SKAP1: variants seen among roughly 807,000 people sequenced by gnomAD.
SKAP1 encodes the protein src kinase associated phosphoprotein 1, also known as src kinase-associated phosphoprotein 1.
In SKAP1, 44 loss-of-function variants were observed where a neutral mutation model predicts 58.5. The ratio of observed to expected loss-of-function variants is 0.75; its 90% CI spans 0.59 to 0.97. SKAP1 has a LOEUF of 0.97. Among genes scored for constraint, SKAP1 ranks in the 50% least tolerant of loss-of-function variants. SKAP1 has a pLI of 0.00. For missense variants in SKAP1, 390 were observed against 435.2 expected (o/e 0.90, Z 0.92); for synonymous variants, 127 against 149.7 (o/e 0.85, Z 1.11).
intron 4 of SKAP1, among the ~76,000 whole-genome samples, chr17:48,261,841 A>G (rs2065489078): frequency 1.3e-5 from 2 of 149,364 alleles, no homozygotes; most frequent in Admixed American, 6.8e-5. Flanking sequence ...CATACACACA[A>G]TGAAAGAATA....
intron 2 of SKAP1, among the ~76,000 whole-genome samples, chr17:48,372,662 A>G (rs1320227914): frequency 1.3e-5 from 2 of 152,032 alleles, no homozygotes; most frequent in Non-Finnish European, 2.9e-5. Context: ...TTTTTTTAAG[A>G]CAAGGTTGCA....
intron 2 of SKAP1, among the ~76,000 whole-genome samples, chr17:48,366,898 G>C (rs1177904664): frequency 6.6e-6 from 1 of 152,064 alleles, no homozygotes; most frequent in African/African-American, 2.4e-5. Context: ...TATTGATGAT[G>C]GCAACAGCAG....
intron 4 of SKAP1, among the ~76,000 whole-genome samples, chr17:48,243,521 A>G (rs2065263475): frequency 6.6e-6 from 1 of 152,194 alleles, no homozygotes; most frequent in South Asian, 2.1e-4. Flanking sequence ...GGGGAAAAAA[A>G]GGCCATGTTG....
rs571723237 is a variant in SKAP1 at position 48,212,058 on chromosome 17, C to A, written c.281-22558G>T. Among the ~76,000 whole-genome samples, 72 of 151,280 alleles carry A rather than the reference C, an allele frequency of 4.8e-4. No individual in the cohort carries two copies. The South Asian group carries it at 8.2e-3, about 17-fold the overall frequency. On this transcript the variant is annotated intron_variant, in intron 4 of 12. Coordinates refer to ENST00000336915, the MANE Select transcript of SKAP1 (RefSeq NM_003726.4). Reference sequence around the variant, plus strand: ...CCACGAACCCAGAACTGGGGGCTAGCTAGCAGTCTCAGCTACACCAGTAAT... The same window carrying A: ...CCACGAACCCAGAACTGGGGGCTAGATAGCAGTCTCAGCTACACCAGTAAT...
chr17:48,284,548 T>C (rs2065806505), intron 4 of SKAP1, among the ~76,000 whole-genome samples: 1 of 152,210 alleles, frequency 6.6e-6, no homozygotes, highest in African/African-American at 2.4e-5. Flanking sequence ...AGACATACTC[T>C]GTCATCATGT....
chr17:48,329,129 A>C (rs2066473275), intron 4 of SKAP1, among the ~76,000 whole-genome samples: 1 of 152,252 alleles, frequency 6.6e-6, no homozygotes, highest in Non-Finnish European at 1.5e-5. Context: ...GCATCACTAC[A>C]GAAAGTTCTA....
At chr17:48,204,967 CTT>C (rs1277582494) in intron 4 of SKAP1, among the ~76,000 whole-genome samples, 1 of 54,530 alleles carries the variant, frequency 1.8e-5, no homozygotes, top group Non-Finnish European at 3.7e-5. Context: ...TCTTTCTTTT[CTT>C]TTCTTTTCTT....
intron 10 of SKAP1, among the ~76,000 whole-genome samples, chr17:48,165,059 G>A (rs1042265968): frequency 1.7e-4 from 26 of 152,182 alleles, no homozygotes; most frequent in African/African-American, 3.1e-4. Context: ...CCTTCTAGTC[G>A]GGGAAGCACC....
At chr17:48,283,950 C>T (rs1383358781) in intron 4 of SKAP1, among the ~76,000 whole-genome samples, 1 of 152,174 alleles carries the variant, frequency 6.6e-6, no homozygotes, top group Non-Finnish European at 1.5e-5. Flanking sequence ...ATTTCAATGC[C>T]ATTCTCTGTC....
chr17:48,225,735 A>G (rs2065060838), intron 4 of SKAP1, among the ~76,000 whole-genome samples: 1 of 152,184 alleles, frequency 6.6e-6, no homozygotes, highest in South Asian at 2.1e-4. Flanking sequence ...TCAATTCCTT[A>G]TTATGAATAC....
intron 4 of SKAP1, among the ~76,000 whole-genome samples, chr17:48,314,668 TC>T (rs2066266551): frequency 1.3e-5 from 2 of 152,146 alleles, no homozygotes; most frequent in South Asian, 4.1e-4. Flanking sequence ...GCTGGAAGGT[TC>T]CCACAATGTT....
At chr17:48,444,267 G>C in the SKAP1 span, among the ~76,000 whole-genome samples, 1 of 152,082 alleles carries the variant, frequency 6.6e-6, no homozygotes, top group East Asian at 1.9e-4. Context: ...GGTGGCATGC[G>C]TCTGTAATCC....
chr17:48,150,763 C>T (rs1222706213), intron 11 of SKAP1, among the ~76,000 whole-genome samples: 4 of 152,168 alleles, frequency 2.6e-5, no homozygotes, highest in South Asian at 4.2e-4. Flanking sequence ...AGCGAGCAAG[C>T]GTGTACACGA....
chr17:48,414,876 C>A (rs764449846), intron 1 of SKAP1, among the ~76,000 whole-genome samples: 2 of 152,192 alleles, frequency 1.3e-5, no homozygotes, highest in Non-Finnish European at 2.9e-5. Flanking sequence ...CTCCCAAATT[C>A]TCTCATCTTG....
intron 4 of SKAP1, among the ~76,000 whole-genome samples, chr17:48,242,317 C>T (rs1009164735): frequency 2.6e-5 from 4 of 152,108 alleles, no homozygotes; most frequent in South Asian, 2.1e-4. Flanking sequence ...ATAATTCTGC[C>T]GGAGGAGAAT....
intron 1 of SKAP1, among the ~76,000 whole-genome samples, chr17:48,413,799 G>A (rs2067698661): frequency 6.6e-6 from 1 of 151,960 alleles, no homozygotes; most frequent in Non-Finnish European, 1.5e-5. Flanking sequence ...TGAGCTTCCT[G>A]TAAGTGTAAC....
chr17:48,413,102 G>C (rs1346732476), intron 1 of SKAP1, among the ~76,000 whole-genome samples: 1 of 151,176 alleles, frequency 6.6e-6, no homozygotes, highest in African/African-American at 2.4e-5. Context: ...GTCTACATGA[G>C]AGATCATATC....
chr17:48,318,678 C>A (rs1598561383), intron 4 of SKAP1, among the ~76,000 whole-genome samples: 2 of 152,226 alleles, frequency 1.3e-5, no homozygotes, highest in East Asian at 3.9e-4. Context: ...CCAGCCTGGG[C>A]AACATAGTGA....
intron 4 of SKAP1, among the ~76,000 whole-genome samples, chr17:48,302,194 T>C (rs1033053609): frequency 1.3e-5 from 2 of 152,214 alleles, no homozygotes; most frequent in Admixed American, 6.5e-5. Context: ...CTATATTTCT[T>C]GAGCATTTTC....
Sources: gnomAD v4.1 joint callset for allele counts (sites outside exome capture counted in the v4.1 genomes callset) on GRCh38, gnomAD v4.1.1 for gene constraint, MANE v1.5 for transcripts, NCBI Gene and HGNC (gene_info 2026-07-23, HGNC 2026-07-21) for gene names.